Variants in CEP63 observed in about 807,000 individuals in gnomAD.
CEP63 encodes the protein centrosomal protein 63.
In CEP63, 84 loss-of-function variants were observed where a neutral mutation model predicts 89.1. That is an observed-to-expected ratio of 0.94 (90% CI 0.79 to 1.13). The LOEUF (loss-of-function observed/expected upper bound fraction) is 1.13, where lower values mean the gene tolerates loss of function less well. Ranked by LOEUF, CEP63 falls within the 50% of genes most tolerant of loss-of-function variation. CEP63 has a pLI of 0.00. For missense variants in CEP63, 838 were observed against 813.3 expected, an observed-to-expected ratio of 1.03 and a Z score of -0.37; for synonymous variants, 267 against 272.5, an observed-to-expected ratio of 0.98 and a Z score of 0.20.
chr3:134,764,258 C>CCAAACCTTCCAAAGGTTTGGG, the CEP63 span, among the ~76,000 whole-genome samples: 3 of 152,114 alleles, frequency 2.0e-5, no homozygotes, highest in Non-Finnish European at 2.9e-5. Flanking sequence ...TTGGGTTTGC[C>CCAAACCTTCCAAAGGTTTGGG]CTTTCCAAAG....
the CEP63 span, among the ~76,000 whole-genome samples, chr3:134,775,663 G>A: frequency 8.4e-4 from 128 of 152,222 alleles, no homozygotes; most frequent in Middle Eastern, 0.014. Flanking sequence ...GTCTGATTCT[G>A]GGGTAGAGAA....
intron 1 of CEP63, among the ~76,000 whole-genome samples, chr3:134,487,667 C>T (rs1043863187): frequency 6.6e-6 from 1 of 152,206 alleles, no homozygotes; most frequent in Non-Finnish European, 1.5e-5. Flanking sequence ...AGTCCGCCTC[C>T]CCGCCCCCAT....
chr3:134,593,763 C>A, the CEP63 span, among the ~76,000 whole-genome samples: 1 of 152,232 alleles, frequency 6.6e-6, no homozygotes, highest in Non-Finnish European at 1.5e-5. Context: ...CCATTCACTT[C>A]TTTTAAAGAT....
the CEP63 span, among the ~76,000 whole-genome samples, chr3:134,680,273 A>G: frequency 2.2e-4 from 33 of 152,298 alleles, no homozygotes; most frequent in Admixed American, 1.9e-3. Flanking sequence ...ACACACATAC[A>G]TTTTAAACTC....
chr3:134,559,728 C>T (rs1312948203), intron 14 of CEP63, among the ~76,000 whole-genome samples: 1 of 152,154 alleles, frequency 6.6e-6, no homozygotes, highest in Non-Finnish European at 1.5e-5. Flanking sequence ...ATGGTTAGTT[C>T]AAGAACTGTC....
At chr3:134,589,071 C>T (rs1485720156), downstream of CEP63, among the ~76,000 whole-genome samples, 1 of 152,108 alleles carries the variant, frequency 6.6e-6, no homozygotes, top group Non-Finnish European at 1.5e-5. Flanking sequence ...GAAAAACTTC[C>T]TACAACAAAA....
the CEP63 span, among the ~76,000 whole-genome samples, chr3:134,702,825 A>T: frequency 3.5e-4 from 54 of 152,240 alleles, 3 homozygotes; most frequent in African/African-American, 1.2e-3. Context: ...CAATAGATGA[A>T]GGCGAGGTTG....
At chr3:134,629,313 CA>C in the CEP63 span, 2 of 351,460 alleles carry the variant, frequency 5.7e-6, no homozygotes, top group Non-Finnish European at 1.1e-5. Context: ...TTTTGCATGC[CA>C]CTTTTCTGGC....
chr3:134,540,541 T>A (rs1431297251), intron 6 of CEP63, among the ~76,000 whole-genome samples: 1 of 152,188 alleles, frequency 6.6e-6, no homozygotes, highest in Non-Finnish European at 1.5e-5. Flanking sequence ...TATGTGAGAA[T>A]ATCCATTTCC....
At chr3:134,653,369 T>C in the CEP63 span, among the ~76,000 whole-genome samples, 3 of 152,214 alleles carry the variant, frequency 2.0e-5, no homozygotes, top group African/African-American at 7.2e-5. Context: ...ACTCCTGAAA[T>C]TGGAGTCACC....
the CEP63 span, among the ~76,000 whole-genome samples, chr3:134,642,447 G>T: frequency 2.0e-5 from 3 of 152,200 alleles, no homozygotes; most frequent in Non-Finnish European, 4.4e-5. Flanking sequence ...ACCAAGGTGG[G>T]CGTGAGAGTC....
At chr3:134,760,741 T>C in the CEP63 span, among the ~76,000 whole-genome samples, 1 of 152,190 alleles carries the variant, frequency 6.6e-6, no homozygotes, top group Non-Finnish European at 1.5e-5. Flanking sequence ...GCTACAAACA[T>C]TCACGTGCTC....
intron 1 of CEP63, among the ~76,000 whole-genome samples, chr3:134,494,688 G>T (rs1284729474): frequency 1.3e-5 from 2 of 152,164 alleles, no homozygotes; most frequent in Non-Finnish European, 2.9e-5. Flanking sequence ...CTCACTTCCA[G>T]TGTGGTGCAA....
intron 10 of CEP63, among the ~76,000 whole-genome samples, chr3:134,585,128 C>CA (rs1300711701): frequency 2.0e-5 from 3 of 151,680 alleles, no homozygotes; most frequent in Non-Finnish European, 4.4e-5. Context: ...TTGACCTTTT[C>CA]AAAAAACCAG....
At chr3:134,655,741 G>A in the CEP63 span, among the ~76,000 whole-genome samples, 1 of 152,138 alleles carries the variant, frequency 6.6e-6, no homozygotes, top group South Asian at 2.1e-4. Context: ...TGGGGAAGAT[G>A]GTCTTAACAA....
the CEP63 span, among the ~76,000 whole-genome samples, chr3:134,730,042 G>C: frequency 6.6e-6 from 1 of 152,178 alleles, no homozygotes; most frequent in Non-Finnish European, 1.5e-5. Context: ...AGCAAGAGAG[G>C]TCAGGGACTT....
At chr3:134,596,249 C>A in the CEP63 span, among the ~76,000 whole-genome samples, 98,146 of 152,076 alleles carry the variant, frequency 0.65, 32,210 homozygotes, top group East Asian at 0.81. Flanking sequence ...CCAAAGAATG[C>A]CTGACAACCC....
the CEP63 span, among the ~76,000 whole-genome samples, chr3:134,758,794 T>C: frequency 0.97 from 146,824 of 152,146 alleles, 71,014 homozygotes; most frequent in East Asian, 1. Context: ...CAGAATTCAT[T>C]TCTGTGGTAC....
chr3:134,692,898 C>T, the CEP63 span, among the ~76,000 whole-genome samples: 27 of 152,304 alleles, frequency 1.8e-4, no homozygotes, highest in South Asian at 4.1e-4. Flanking sequence ...CTGGCATTCC[C>T]GCTCTGCTTC....
Sources: gnomAD v4.1 joint callset for allele counts (sites outside exome capture counted in the v4.1 genomes callset) on GRCh38, gnomAD v4.1.1 for gene constraint, MANE v1.5 for transcripts, NCBI Gene and HGNC (gene_info 2026-07-23, HGNC 2026-07-21) for gene names.